The following KIF1A variants were observed in gnomAD, a reference collection of about 807,000 sequenced individuals.
The protein encoded by KIF1A is kinesin family member 1A, also known as kinesin-like protein KIF1A.
KIF1A carries 46 observed loss-of-function variants against 227.3 expected under a neutral mutation model. The ratio of observed to expected loss-of-function variants is 0.20; its 90% CI spans 0.16 to 0.26. KIF1A has a LOEUF of 0.26. KIF1A is among the 10% of genes least tolerant of loss of function. The pLI is 1.00. For synonymous variants in KIF1A, 1,022 were observed against 1,012.8 expected (o/e 1.01, Z -0.17); for missense variants, 1,683 against 2,485.9 (o/e 0.68, Z 6.87).
At chr2:240,816,662 A>AG (rs2058349178) in intron 1 of KIF1A, among the ~76,000 whole-genome samples, 1 of 152,170 alleles carries the variant, frequency 6.6e-6, no homozygotes, top group African/African-American at 2.4e-5. Flanking sequence ...GATTAAATCC[A>AG]GGGTGAGGAG....
In KIF1A at chr2:240,787,240, G is replaced by A. The variant is rs1225790079; in HGVS notation, c.429+11C>T. Reference sequence around the variant, plus strand: ...CTGCCCCAGCGGCCAACGGCAGGCGGGGAGCCCTACCTCCACGGAGTAGGA... The same window carrying A: ...CTGCCCCAGCGGCCAACGGCAGGCGAGGAGCCCTACCTCCACGGAGTAGGA... On this transcript the variant is annotated intron_variant, in intron 5 of 48. Coordinates refer to ENST00000498729, the MANE Select transcript of KIF1A (RefSeq NM_001244008.2). 9 of 1,610,534 alleles carry A rather than the reference G, an allele frequency of 5.6e-6. No individual in the cohort carries two copies. In the South Asian group the frequency reaches 9.9e-5, roughly 18 times the overall value.
chr2:240,764,590 T>A (rs962571672), intron 20 of KIF1A, among the ~76,000 whole-genome samples: 17 of 152,042 alleles, frequency 1.1e-4, no homozygotes, highest in African/African-American at 4.1e-4. Flanking sequence ...CTGCCCCTCC[T>A]CACCCCCTCT....
rs897263036 is a variant in KIF1A at position 240,782,593 on chromosome 2, G to A, written c.879C>T (p.Asn293=). 1.3e-6 allele frequency: 2 copies of A among 1,552,540 alleles called. No homozygotes were observed. The highest frequency in any genetic ancestry group is 3.9e-5 in the Admixed American group (2 of 51,228). The change falls in exon 10 of 49, where the codon AAC becomes AAT. Residue 293 remains asparagine (N), a synonymous_variant. Transcript: ENST00000498729. ...SALAEMDSGP[N]KNKKKKKTDF... ...GGGGCTGAAGGAAGCCGCTTACCTT[G>A]TTGGGTCCGGAGTCCTGAAAAGGAA...
In KIF1A at chr2:240,740,441, G is replaced by A. The variant is rs960907053; in HGVS notation, c.3750-77C>T. On this transcript the variant is annotated intron_variant, in intron 35 of 48. Coordinates refer to ENST00000498729, the MANE Select transcript of KIF1A (RefSeq NM_001244008.2). The surrounding 1 kb of genome is among the most constrained non-coding windows in gnomAD (Gnocchi z 6.1). Reference sequence around the variant, plus strand: ...CCCCGCAGCACAGGACACAGTGGACGGGAGCAAAAACAGGGAAAAGTCAGC... The same window carrying A: ...CCCCGCAGCACAGGACACAGTGGACAGGAGCAAAAACAGGGAAAAGTCAGC... 23 of 1,275,556 alleles carry A rather than the reference G, an allele frequency of 1.8e-5. No homozygotes were observed. Among genetic ancestry groups the A allele is most frequent in the South Asian group, 2.5e-5 (2 of 80,332 alleles). 79.0% of individuals were successfully genotyped at this position (1,275,556 alleles called of 1,614,324 possible). A position where few individuals can be genotyped will look rare whatever the true frequency, so the allele number is the denominator to read the frequency against.
At chr2:240,791,108 G>T (rs1314560791) in intron 2 of KIF1A, among the ~76,000 whole-genome samples, 1 of 152,076 alleles carries the variant, frequency 6.6e-6, no homozygotes, top group Non-Finnish European at 1.5e-5. Flanking sequence ...GGGAGCTGGG[G>T]ACTGACCATC....
intron 2 of KIF1A, among the ~76,000 whole-genome samples, chr2:240,795,177 G>A (rs1345808755): frequency 6.6e-6 from 1 of 152,208 alleles, no homozygotes. Context: ...AGGGGCTCCT[G>A]CATTTCCCTC....
intron 46 of KIF1A, 52 bp downstream of exon 46, chr2:240,719,722 C>A: frequency 6.8e-7 from 1 of 1,465,852 alleles, no homozygotes; most frequent in Non-Finnish European, 9.0e-7. Context: ...GCCTGCCTGT[C>A]CCCTGTCAGC....
chr2:240,744,230 T>G (rs2048332711), intron 32 of KIF1A, among the ~76,000 whole-genome samples, 170 bp from the exon 33 acceptor site: 1 of 152,014 alleles, frequency 6.6e-6, no homozygotes, highest in African/African-American at 2.4e-5. Context: ...GCCCAGCCCC[T>G]CCTCCCACCA....
chr2:240,740,170 T>C lies in KIF1A; in HGVS notation c.3817-28A>G. 1.3e-6 allele frequency: 2 copies of C among 1,584,266 alleles called. No homozygotes were observed. Among genetic ancestry groups the C allele is most frequent in the Non-Finnish European group, 1.7e-6 (2 of 1,164,196 alleles). On this transcript the variant is annotated intron_variant, in intron 36 of 48. Transcript: ENST00000498729. This position sits in a 1 kb window ranked among gnomAD's most constrained non-coding sequence, Gnocchi z 6.1. ...GCCGGTGCCAGGTGAGAGGATATGG[T>C]CAGACGGCTCAGGGGGCTACGTAGG... is the stretch of plus-strand genomic sequence containing the variant.
chr2:240,815,897 G>C (rs554148220), intron 1 of KIF1A, among the ~76,000 whole-genome samples: 2 of 152,308 alleles, frequency 1.3e-5, no homozygotes, highest in East Asian at 3.9e-4. Flanking sequence ...CATTGTTCAG[G>C]TGTGGAGTGG....
intron 1 of KIF1A, among the ~76,000 whole-genome samples, chr2:240,814,788 A>G (rs985649084): frequency 6.6e-6 from 1 of 152,146 alleles, no homozygotes; most frequent in East Asian, 1.9e-4. Flanking sequence ...GTGGTGATAC[A>G]TGCCCATAGT....
chr2:240,723,630 G>A lies in KIF1A; in HGVS notation c.4319-72C>T, dbSNP rs985571096. On this transcript the variant is annotated intron_variant, in intron 41 of 48. Coordinates refer to ENST00000498729, the MANE Select transcript of KIF1A (RefSeq NM_001244008.2). ...CTCCTCCCACCCATCCTAGAGGTCC[G>A]CCCATCTGTGAAGCTGTCTCCCCTC... 103 of 1,450,416 alleles carry A rather than the reference G, an allele frequency of 7.1e-5. No homozygotes were observed. The Middle Eastern group carries it at 7.5e-4, about 10-fold the overall frequency. 89.8% of individuals were successfully genotyped at this position (1,450,416 alleles called of 1,614,324 possible). A position where few individuals can be genotyped will look rare whatever the true frequency, so the allele number is the denominator to read the frequency against.
Position 240,758,521 on chromosome 2 carries a change from G to A in KIF1A, c.2445-24C>T. On this transcript the variant is annotated intron_variant, in intron 25 of 48. Coordinates refer to ENST00000498729, the MANE Select transcript of KIF1A (RefSeq NM_001244008.2). The surrounding 1 kb of genome is among the most constrained non-coding windows in gnomAD (Gnocchi z 5.2). ...GCCTGCAGGGACGGCAGGGGTCAAT[G>A]TGGACCCAGGCCCAGCGCTCAGCAG... is the stretch of plus-strand genomic sequence containing the variant. 2 of 1,543,504 alleles carry A rather than the reference G, an allele frequency of 1.3e-6. No individual in the cohort carries two copies. The highest frequency in any genetic ancestry group is 1.8e-6 in the Non-Finnish European group (2 of 1,142,548).
At chr2:240,720,300 G>A (rs527754674) in intron 45 of KIF1A, 1 of 174,098 alleles carries the variant, frequency 5.7e-6, no homozygotes, top group Non-Finnish European at 1.2e-5. Flanking sequence ...GTTCCAAGGA[G>A]CCACTGGAGC....
chr2:240,737,359 G>GCTCCACGGA, intron 37 of KIF1A, 191 bp from the exon 38 acceptor site: 1 of 532,164 alleles, frequency 1.9e-6, no homozygotes, highest in East Asian at 3.1e-5. Context: ...ATGTGTAGTT[G>GCTCCACGGA]CTGCTCCACG....
At chr2:240,737,484 A>G (rs1379907371) in intron 37 of KIF1A, 1 of 188,372 alleles carries the variant, frequency 5.3e-6, no homozygotes, top group African/African-American at 2.3e-5. Context: ...AAGGAAGGCT[A>G]AGCAAGACAC....
At chr2:240,805,105 GAGGGAGGGAGA>G (rs2057299549) in intron 1 of KIF1A, among the ~76,000 whole-genome samples, 2 of 67,238 alleles carry the variant, frequency 3.0e-5, no homozygotes, top group South Asian at 9.7e-4. Flanking sequence ...AGGGAGAGGG[GAGGGAGGGAGA>G]GGGGAGGGAG....
chr2:240,769,912 C>T (rs1305717343), intron 15 of KIF1A, among the ~76,000 whole-genome samples: 3 of 152,166 alleles, frequency 2.0e-5, no homozygotes, highest in Non-Finnish European at 2.9e-5. Flanking sequence ...ATGGAGAAAA[C>T]GCAAAACAAA....
At position 240,760,691 on chromosome 2, in the gene KIF1A, G is replaced by T. The variant is rs1392392338; in HGVS notation, c.2418C>A (p.Thr806=). 2 of 1,568,768 alleles carry T rather than the reference G, an allele frequency of 1.3e-6. No homozygotes were observed. Among genetic ancestry groups the T allele is most frequent in the Non-Finnish European group, 8.7e-7 (1 of 1,155,734 alleles). ...VEVQDQKNGA[T]HYWTLEKLRQ... ...TGAGCTTCTCCAGCGTCCAGTAGTG[G>T]GTGGCCCCGTTCTTCTGGTCCTGGA... Residue 806 remains threonine, a synonymous_variant, in exon 25 of 49, where the codon ACC becomes ACA. Transcript: ENST00000498729.
Sources: gnomAD v4.1 joint callset for allele counts (sites outside exome capture counted in the v4.1 genomes callset) on GRCh38, gnomAD v4.1.1 for gene constraint, Gnocchi (gnomAD v3.1) non-coding constraint, MANE v1.5 for transcripts, NCBI Gene and HGNC (gene_info 2026-07-23, HGNC 2026-07-21) for gene names.